The following TTC3 variants were observed in gnomAD, a reference collection of about 807,000 sequenced individuals.
TTC3 encodes the protein tetratricopeptide repeat domain 3.
Under a neutral mutation model 249.6 loss-of-function variants are expected in TTC3, and 180 were observed. The ratio of observed to expected loss-of-function variants is 0.72; its 90% CI spans 0.64 to 0.82. The LOEUF is 0.82. Ranked by LOEUF, TTC3 falls within the 40% of genes least tolerant of loss-of-function variation. The probability of loss-of-function intolerance (pLI) is 0.00; values close to 1 mark genes in which losing one functional copy is unlikely to be tolerated. For missense variants in TTC3, 2,061 were observed against 2,398.4 expected (o/e 0.86, Z 2.94); for synonymous variants, 717 against 805.0 (o/e 0.89, Z 1.85).
intron 17 of TTC3, among the ~76,000 whole-genome samples, chr21:37,134,766 G>A (rs76976297): frequency 6.6e-6 from 1 of 152,138 alleles, no homozygotes; most frequent in African/African-American, 2.4e-5. Flanking sequence ...CTCACTTTAA[G>A]GGCACATGAT....
intron 30 of TTC3, among the ~76,000 whole-genome samples, chr21:37,161,308 T>G (rs1463203781): frequency 6.6e-6 from 1 of 152,144 alleles, no homozygotes; most frequent in Non-Finnish European, 1.5e-5. Context: ...CAGGGTCTCC[T>G]TCTCTCACCC....
Position 37,156,924 on chromosome 21 carries a change from AG to A in TTC3, c.2992+19del, listed in dbSNP as rs1487311034. On this transcript the variant is annotated intron_variant, in intron 28 of 45. Coordinates refer to ENST00000355666, the Ensembl canonical transcript of TTC3. ...TATAATGGGTATGTGGACTGAGTTT[AG>A]ACTTATATTACATTTAATCTTAAGG... is the stretch of plus-strand genomic sequence containing the variant. The A allele has an allele frequency of 1.3e-5, 21 of 1,606,462 alleles. No individual in the cohort carries two copies. The highest frequency in any genetic ancestry group is 2.2e-5 in the East Asian group (1 of 44,814).
At chr21:37,127,593 A>G (rs2077135437) in intron 15 of TTC3, among the ~76,000 whole-genome samples, 1 of 152,232 alleles carries the variant, frequency 6.6e-6, no homozygotes, top group Non-Finnish European at 1.5e-5. Flanking sequence ...TTGTGGTCAC[A>G]CATAACAGTG....
intron 1 of TTC3, chr21:37,084,312 G>A (rs1027664881): frequency 2.0e-5 from 3 of 152,236 alleles, no homozygotes; most frequent in Non-Finnish European, 4.4e-5. Context: ...TTCTGAGGAG[G>A]AAGTGGTCCA....
exon 34 of TTC3, chr21:37,167,616 G>A (rs768354319): frequency 1.9e-6 from 3 of 1,607,972 alleles, no homozygotes; most frequent in Admixed American, 3.4e-5. Flanking sequence ...TTTGAGGAAC[G>A]ACAAGTGAGT....
At chr21:37,122,430 ATATAT>A (rs960096824) in intron 12 of TTC3, among the ~76,000 whole-genome samples, 2 of 26,594 alleles carry the variant, frequency 7.5e-5, no homozygotes, top group African/African-American at 2.2e-4. Flanking sequence ...ATATATATAT[ATATAT>A]ATTATATATA....
chr21:37,170,174 A>T (rs896710300), intron 34 of TTC3, among the ~76,000 whole-genome samples: 10 of 152,234 alleles, frequency 6.6e-5, no homozygotes, highest in African/African-American at 2.4e-4. Flanking sequence ...ACAAATACAT[A>T]CACATACACA....
intron 8 of TTC3, among the ~76,000 whole-genome samples, chr21:37,094,441 C>T (rs2073691575): frequency 6.6e-6 from 1 of 152,106 alleles, no homozygotes; most frequent in South Asian, 2.1e-4. Flanking sequence ...GTATTGAATT[C>T]CCTAATGCTG....
At chr21:37,117,992 GGATAC>G (rs2076295740) in intron 11 of TTC3, among the ~76,000 whole-genome samples, 1 of 151,598 alleles carries the variant, frequency 6.6e-6, no homozygotes, top group East Asian at 1.9e-4. Flanking sequence ...CCTTCTCAGG[GGATAC>G]TCTCTTTTGT....
exon 8 of TTC3, chr21:37,094,030 A>G (rs369043845): frequency 4.0e-5 from 65 of 1,608,750 alleles, no homozygotes; most frequent in Middle Eastern, 1.7e-4. Flanking sequence ...CTAAAATTGT[A>G]ATGGAAGACT....
chr21:37,146,635 C>T (rs1046643811), intron 21 of TTC3, among the ~76,000 whole-genome samples: 1 of 152,104 alleles, frequency 6.6e-6, no homozygotes, highest in Non-Finnish European at 1.5e-5. Flanking sequence ...TATGAAATCT[C>T]CAGAATAAGC....
intron 41 of TTC3, 42 bp from the exon 42 acceptor site, chr21:37,195,633 G>T (rs1356246058): frequency 3.2e-5 from 50 of 1,540,598 alleles, no homozygotes; most frequent in Non-Finnish European, 4.3e-5. Flanking sequence ...CATCCTTCAA[G>T]GGAAGCCCTA....
Position 37,124,607 on chromosome 21 carries a change from T to G in TTC3, c.1110-12T>G, listed in dbSNP as rs755360303. 1 of 1,605,154 alleles carries G rather than the reference T, an allele frequency of 6.2e-7. No homozygotes were observed. Among genetic ancestry groups the G allele is most frequent in the East Asian group, 2.2e-5 (1 of 44,736 alleles). The stretch of plus-strand genomic sequence containing the variant: ...AAAAAATGTATAATAATTCCTTTTT[T>G]CCCCCACTTAGGGCCTACACACCTA... On this transcript the variant is annotated splice_polypyrimidine_tract_variant and intron_variant, in intron 13 of 45. Coordinates refer to ENST00000355666, the Ensembl canonical transcript of TTC3.
intron 9 of TTC3, among the ~76,000 whole-genome samples, chr21:37,096,032 T>A (rs1057357684): frequency 6.6e-6 from 1 of 152,154 alleles, no homozygotes; most frequent in African/African-American, 2.4e-5. Flanking sequence ...CCCTTGTGCA[T>A]CTCCACAGGG....
At chr21:37,199,190 C>G (rs761540524) in intron 44 of TTC3, among the ~76,000 whole-genome samples, 1 of 152,222 alleles carries the variant, frequency 6.6e-6, no homozygotes. Flanking sequence ...TGGGGTGATG[C>G]CTCCAGTGCC....
chr21:37,171,437 C>G (rs2081777088), intron 34 of TTC3, among the ~76,000 whole-genome samples: 1 of 152,180 alleles, frequency 6.6e-6, no homozygotes, highest in Non-Finnish European at 1.5e-5. Flanking sequence ...TAAAGGCAAA[C>G]ATAATGTATT....
At chr21:37,189,829 C>T (rs1411979413) in intron 39 of TTC3, among the ~76,000 whole-genome samples, 1 of 152,024 alleles carries the variant, frequency 6.6e-6, no homozygotes, top group African/African-American at 2.4e-5. Flanking sequence ...TACAGGAGTG[C>T]CTCCCAAAGT....
intron 41 of TTC3, chr21:37,194,950 G>A (rs1204202604): frequency 6.6e-6 from 1 of 152,286 alleles, no homozygotes; most frequent in Non-Finnish European, 1.5e-5. Flanking sequence ...AGAGGTGATT[G>A]GGGGTACATT....
chr21:37,151,953 A>T, exon 26 of TTC3: 2 of 1,607,802 alleles, frequency 1.2e-6, no homozygotes, highest in East Asian at 2.2e-5. Context: ...AAAAAAAAGA[A>T]GCAAAAAAGT....
Sources: gnomAD v4.1 joint callset for allele counts (sites outside exome capture counted in the v4.1 genomes callset) on GRCh38, gnomAD v4.1.1 for gene constraint, MANE v1.5 for transcripts, NCBI Gene and HGNC (gene_info 2026-07-23, HGNC 2026-07-21) for gene names.